Variants in VWA8 observed in about 807,000 individuals in gnomAD.
The protein encoded by VWA8 is von Willebrand factor A domain-containing protein 8.
A neutral mutation model predicts 241.5 loss-of-function variants in VWA8; 221 were observed. The ratio of observed to expected loss-of-function variants is 0.91; its 90% confidence interval spans 0.82 to 1.02. The LOEUF (loss-of-function observed/expected upper bound fraction) is 1.02. Ranked by LOEUF, VWA8 falls within the 50% of genes least tolerant of loss-of-function variation. VWA8 has a pLI of 0.00. For synonymous variants in VWA8, 852 were observed against 827.1 expected, an observed-to-expected ratio of 1.03 and a Z score of -0.52; for missense variants, 2,322 against 2,328.7, an observed-to-expected ratio of 1.00 and a Z score of 0.06.
intron 2 of VWA8, among the ~76,000 whole-genome samples, chr13:41,928,743 T>A (rs1876965452): frequency 6.9e-6 from 1 of 144,690 alleles, no homozygotes; most frequent in African/African-American, 2.6e-5. Context: ...CAGAAATAAA[T>A]CAAATAGAAA....
intron 42 of VWA8, among the ~76,000 whole-genome samples, chr13:41,581,891 G>C (rs1325983885): frequency 6.6e-6 from 1 of 152,158 alleles, no homozygotes; most frequent in African/African-American, 2.4e-5. Context: ...CAGGAGCTTG[G>C]AGAAAGCATG....
intron 17 of VWA8, among the ~76,000 whole-genome samples, chr13:41,797,357 T>C (rs1434527248): frequency 6.6e-6 from 1 of 152,110 alleles, no homozygotes; most frequent in African/African-American, 2.4e-5. Context: ...ATTTTTTATC[T>C]AGTTTATGGT....
chr13:41,667,552 G>A (rs2044994805), intron 37 of VWA8, among the ~76,000 whole-genome samples: 1 of 152,154 alleles, frequency 6.6e-6, no homozygotes, highest in Non-Finnish European at 1.5e-5. Context: ...GCAATATACA[G>A]AAGATTTACT....
At chr13:41,682,087 A>G (rs139507854) in intron 35 of VWA8, among the ~76,000 whole-genome samples, 1 of 152,328 alleles carries the variant, frequency 6.6e-6, no homozygotes, top group Non-Finnish European at 1.5e-5. Flanking sequence ...GGAAGAATCT[A>G]TACTACCTGG....
intron 21 of VWA8, among the ~76,000 whole-genome samples, chr13:41,743,291 G>C (rs1352440278): frequency 1.3e-5 from 2 of 152,212 alleles, no homozygotes; most frequent in Non-Finnish European, 2.9e-5. Flanking sequence ...TACTGCAATA[G>C]TTCAGGCAAG....
At chr13:41,685,524 C>G (rs2045130618) in intron 34 of VWA8, among the ~76,000 whole-genome samples, 1 of 152,002 alleles carries the variant, frequency 6.6e-6, no homozygotes, top group Non-Finnish European at 1.5e-5. Flanking sequence ...GACATCGTGG[C>G]ACATGTCTGT....
chr13:41,832,003 TCAC>T (rs1871489808), intron 13 of VWA8, among the ~76,000 whole-genome samples: 2 of 151,218 alleles, frequency 1.3e-5, no homozygotes, highest in Non-Finnish European at 2.9e-5. Context: ...CCATCTCGGC[TCAC>T]TGCAACCTCC....
chr13:41,681,392 T>C (rs2045097528), intron 35 of VWA8, among the ~76,000 whole-genome samples: 1 of 152,130 alleles, frequency 6.6e-6, no homozygotes, highest in Non-Finnish European at 1.5e-5. Context: ...CATGAATGAT[T>C]TTTTTCTTTA....
Position 41,721,343 on chromosome 13 carries a change from T to G in VWA8, c.2964+27A>C, listed in dbSNP as rs776979899. On this transcript the variant is annotated intron_variant, in intron 25 of 44. Transcript: ENST00000379310. The stretch of plus-strand genomic sequence containing the variant: ...AAAATAAAAAAGAGAGTGATGGCTC[T>G]TAGGTACAGGTGTGTGCCATACCTA... The G allele has an allele frequency of 1.6e-5, 26 of 1,608,856 alleles. No homozygotes were observed. In the East Asian group the frequency reaches 4.0e-4, roughly 25 times the overall value.
At chr13:41,941,485 G>A (rs985111701) in intron 2 of VWA8, among the ~76,000 whole-genome samples, 10 of 152,300 alleles carry the variant, frequency 6.6e-5, no homozygotes, top group African/African-American at 2.4e-4. Flanking sequence ...GGAAACTGAA[G>A]CTTATTTGAA....
chr13:41,960,892 C>T lies in VWA8; in HGVS notation c.124G>A (p.Glu42Lys), dbSNP rs2138179464. ...GAGCCGGCGTGCAACAGTCTGACCT[C>T]CGGCCGCTGCCTGTCGCCACCCGGC... Reference protein sequence around the residue: ...RRPGGDRQRPEVRLLHAGSGA... With the variant: ...RRPGGDRQRPKVRLLHAGSGA... The change falls in exon 1 of 45, where the codon GAG becomes AAG. Residue 42 changes from glutamate to lysine, a missense_variant. Transcript: ENST00000379310. The T allele has an allele frequency of 5.9e-6, 9 of 1,514,196 alleles. No homozygotes were observed. The highest frequency in any genetic ancestry group is 7.9e-6 in the Non-Finnish European group (9 of 1,137,510). 93.8% of individuals were successfully genotyped at this position (1,514,196 alleles called of 1,614,324 possible).
intron 13 of VWA8, among the ~76,000 whole-genome samples, chr13:41,831,613 G>GTT (rs71096547): frequency 0.013 from 1,476 of 113,292 alleles, 76 homozygotes; most frequent in African/African-American, 0.036. Context: ...CCAGGCATGA[G>GTT]TTTTTTTTTT....
chr13:41,712,833 G>C (rs1271809396), intron 26 of VWA8, among the ~76,000 whole-genome samples: 1 of 152,036 alleles, frequency 6.6e-6, no homozygotes, highest in Non-Finnish European at 1.5e-5. Context: ...TTACTTAATA[G>C]AAAAAACAAT....
At chr13:41,953,054 A>C (rs989324819) in intron 1 of VWA8, among the ~76,000 whole-genome samples, 1 of 152,198 alleles carries the variant, frequency 6.6e-6, no homozygotes, top group Non-Finnish European at 1.5e-5. Flanking sequence ...ATAAACATGA[A>C]GCAAAAACGG....
At chr13:41,855,316 T>A (rs1297846590) in intron 12 of VWA8, among the ~76,000 whole-genome samples, 3 of 145,308 alleles carry the variant, frequency 2.1e-5, no homozygotes, top group East Asian at 2.0e-4. Flanking sequence ...ATATATATAT[T>A]TATTTATATA....
At chr13:41,657,697 G>T (rs1417140934) in intron 37 of VWA8, among the ~76,000 whole-genome samples, 2 of 151,604 alleles carry the variant, frequency 1.3e-5, no homozygotes, top group African/African-American at 2.4e-5. Flanking sequence ...CACCTTGTTA[G>T]CCAGGATGGT....
At chr13:41,882,184 T>C (rs1427289444) in intron 9 of VWA8, among the ~76,000 whole-genome samples, 48 of 145,852 alleles carry the variant, frequency 3.3e-4, no homozygotes, top group African/African-American at 1.1e-3. Flanking sequence ...GGGCAGAGGC[T>C]CTCCCCACAT....
intron 3 of VWA8, among the ~76,000 whole-genome samples, chr13:41,909,320 A>G (rs747074313): frequency 6.6e-6 from 1 of 152,192 alleles, no homozygotes; most frequent in Non-Finnish European, 1.5e-5. Flanking sequence ...TGGGCCTCCC[A>G]AAGTGTTGGG....
Position 41,949,934 on chromosome 13 carries a change from A to C in VWA8, c.241+2T>G. ...ATTCATATATTAATAAATATTTCTT[A>C]CTGTAGTTCTGTGGCACAAGTTCTG... On this transcript the variant is annotated splice_donor_variant, in intron 2 of 44. Coordinates refer to ENST00000379310, the MANE Select transcript of VWA8 (RefSeq NM_015058.2). LOFTEE classifies it high-confidence loss of function. 2 of 1,537,610 alleles carry C rather than the reference A, an allele frequency of 1.3e-6. No individual in the cohort carries two copies. Among genetic ancestry groups the C allele is most frequent in the Non-Finnish European group, 1.8e-6 (2 of 1,131,186 alleles).
Sources: gnomAD v4.1 joint callset for allele counts (sites outside exome capture counted in the v4.1 genomes callset) on GRCh38, gnomAD v4.1.1 for gene constraint, MANE v1.5 for transcripts, NCBI Gene and HGNC (gene_info 2026-07-23, HGNC 2026-07-21) for gene names.